Variants in BMPER observed in about 807,000 individuals in gnomAD.
BMPER encodes BMP binding endothelial regulator, also known as BMP-binding endothelial regulator protein.
Under a neutral mutation model 87.3 loss-of-function variants are expected in BMPER, and 45 were observed. That is an observed-to-expected ratio of 0.52 (90% confidence interval 0.41 to 0.66). BMPER has a LOEUF of 0.66. Among genes scored for constraint, BMPER ranks in the 30% least tolerant of loss-of-function variants. The probability of loss-of-function intolerance (pLI) is 0.00; values close to 1 mark genes in which losing one functional copy is unlikely to be tolerated. For missense variants in BMPER, 784 were observed against 867.5 expected (o/e 0.90, Z 1.21); for synonymous variants, 326 against 316.2 (o/e 1.03, Z -0.33).
At chr7:34,001,984 T>C (rs1276599167) in intron 6 of BMPER, among the ~76,000 whole-genome samples, 2 of 151,832 alleles carry the variant, frequency 1.3e-5, no homozygotes, top group East Asian at 1.9e-4. Flanking sequence ...AATTTCCTTC[T>C]TTTATTGACT....
At chr7:34,128,950 A>G (rs987040641) in intron 13 of BMPER, among the ~76,000 whole-genome samples, 1 of 152,188 alleles carries the variant, frequency 6.6e-6, no homozygotes, top group Admixed American at 6.5e-5. Context: ...CTATGATTCT[A>G]TAATTCTCTG....
At chr7:34,143,465 T>C in intron 14 of BMPER, 105 bp downstream of exon 14, 3 of 1,529,824 alleles carry the variant, frequency 2.0e-6, no homozygotes, top group Non-Finnish European at 2.7e-6. Flanking sequence ...CATGCCCCCT[T>C]GCCAGAGGAA....
chr7:34,055,082 A>G, intron 8 of BMPER, 81 bp from the exon 9 acceptor site: 1 of 1,576,530 alleles, frequency 6.3e-7, no homozygotes, highest in South Asian at 1.1e-5. Flanking sequence ...GATAGTTATG[A>G]GTTATGAAAG....
chr7:33,951,562 T>C (rs1459091212), intron 3 of BMPER, among the ~76,000 whole-genome samples: 1 of 152,104 alleles, frequency 6.6e-6, no homozygotes, highest in Admixed American at 6.5e-5. Flanking sequence ...CTAACCTCAA[T>C]TGTGATTCAG....
At chr7:34,059,554 C>T (rs1004906880) in intron 10 of BMPER, among the ~76,000 whole-genome samples, 1 of 123,670 alleles carries the variant, frequency 8.1e-6, no homozygotes, top group African/African-American at 3.1e-5. Context: ...CTTGTTGGTG[C>T]CCCTGCCAAG....
chr7:33,994,991 A>T (rs572627665), intron 6 of BMPER, among the ~76,000 whole-genome samples: 41 of 152,320 alleles, frequency 2.7e-4, no homozygotes, highest in South Asian at 1.9e-3. Flanking sequence ...ATTTTTTCTT[A>T]TAGGTCACTG....
chr7:34,019,065 G>A (rs1337672137), intron 6 of BMPER, among the ~76,000 whole-genome samples: 3 of 151,948 alleles, frequency 2.0e-5, no homozygotes, highest in Non-Finnish European at 4.4e-5. Context: ...TGGATGACTT[G>A]CTTGACAACT....
At chr7:34,120,883 T>A (rs896574260) in intron 13 of BMPER, among the ~76,000 whole-genome samples, 6 of 152,124 alleles carry the variant, frequency 3.9e-5, no homozygotes, top group Non-Finnish European at 7.4e-5. Flanking sequence ...GAGCGATATA[T>A]AGTGTAATAC....
intron 6 of BMPER, among the ~76,000 whole-genome samples, chr7:34,012,912 G>A (rs999602072): frequency 5.9e-5 from 9 of 151,946 alleles, no homozygotes; most frequent in South Asian, 2.1e-4. Context: ...GTTTCTATGC[G>A]ATATTAAAAA....
Position 34,079,019 on chromosome 7 carries a change from CCTT to C in BMPER, c.1244_1246del (p.Phe415del), listed in dbSNP as rs1562729222. 1.2e-6 allele frequency: 2 copies of C among 1,614,228 alleles called. No individual in the cohort carries two copies. The highest frequency in any genetic ancestry group is 3.3e-5 in the Admixed American group (2 of 60,032). ...AAGAACGACGCCCGCCGGACACGCT[CCTT>C]CTCGTGGACCAAGTCGGTGGAGCTG... On this transcript the variant is annotated inframe_deletion, in exon 12 of 15. Coordinates refer to ENST00000649409, the MANE Select transcript of BMPER (RefSeq NM_001365308.1).
chr7:34,007,708 T>C (rs1786771339), intron 6 of BMPER, among the ~76,000 whole-genome samples: 1 of 152,034 alleles, frequency 6.6e-6, no homozygotes, highest in Non-Finnish European at 1.5e-5. Flanking sequence ...GGGTAATTTA[T>C]TTATGCATGT....
rs185093748 is a variant in BMPER, at chr7:34,133,781, G to A, written c.1746-9449G>A. Reference sequence around the variant, plus strand: ...ATTTCAGGACATCTAGTTGGTGTCCGCTGGAGAACTAGTGGTTAGTGGGGA... The same window carrying A: ...ATTTCAGGACATCTAGTTGGTGTCCACTGGAGAACTAGTGGTTAGTGGGGA... On this transcript the variant is annotated intron_variant, in intron 13 of 14. Transcript: ENST00000649409. 3.2e-3 allele frequency among the ~76,000 whole-genome samples: 492 copies of A among 152,216 alleles called. 3 individuals are homozygous for A. Among genetic ancestry groups the A allele is most frequent in the African/African-American group, 0.011 (438 of 41,542 alleles).
chr7:34,052,262 C>T (rs1022149313), intron 8 of BMPER, among the ~76,000 whole-genome samples: 1 of 152,160 alleles, frequency 6.6e-6, no homozygotes, highest in Non-Finnish European at 1.5e-5. Flanking sequence ...ACGGCTGTGC[C>T]CTCTGGCTCT....
chr7:34,102,909 T>TG (rs1320779938), intron 13 of BMPER, among the ~76,000 whole-genome samples: 3 of 152,004 alleles, frequency 2.0e-5, no homozygotes, highest in Non-Finnish European at 2.9e-5. Context: ...CTGTTTCGCA[T>TG]GGTATGGTCA....
At chr7:34,014,787 A>G (rs1371411044) in intron 6 of BMPER, among the ~76,000 whole-genome samples, 1 of 152,004 alleles carries the variant, frequency 6.6e-6, no homozygotes, top group Non-Finnish European at 1.5e-5. Flanking sequence ...TCAGCACAAT[A>G]GAGAGAATAT....
intron 6 of BMPER, among the ~76,000 whole-genome samples, chr7:34,028,184 A>G (rs1243535918): frequency 6.6e-6 from 1 of 152,114 alleles, no homozygotes; most frequent in Non-Finnish European, 1.5e-5. Flanking sequence ...ACATATTGCA[A>G]TAAACTGAAT....
chr7:34,107,764 G>A lies in BMPER; in HGVS notation c.1745+21672G>A, dbSNP rs187611267. Reference sequence around the variant, plus strand: ...GGCTGTGTGACATATGAGGTTTGGTGCTCTATGTATTGGGTTTTTTGGTGT... The same window carrying A: ...GGCTGTGTGACATATGAGGTTTGGTACTCTATGTATTGGGTTTTTTGGTGT... On this transcript the variant is annotated intron_variant, in intron 13 of 14. Coordinates refer to ENST00000649409, the MANE Select transcript of BMPER (RefSeq NM_001365308.1). Among the ~76,000 whole-genome samples, 562 of 152,200 alleles carry A rather than the reference G, an allele frequency of 3.7e-3. 2 individuals carry two copies. Among genetic ancestry groups the A allele is most frequent in the African/African-American group, 0.013 (539 of 41,544 alleles).
chr7:34,014,529 G>T lies in BMPER; in HGVS notation c.577-31777G>T, dbSNP rs185780131. Among the ~76,000 whole-genome samples, 7 of 152,030 alleles carry T rather than the reference G, an allele frequency of 4.6e-5. No homozygotes were observed. In the East Asian group the frequency reaches 1.2e-3, roughly 25 times the overall value. Reference sequence around the variant, plus strand: ...TGATAGATTCCAGCCTATCAAAGCAGCCCATTCATCCCTGTAGGTCTGTTG... The same window carrying T: ...TGATAGATTCCAGCCTATCAAAGCATCCCATTCATCCCTGTAGGTCTGTTG... On this transcript the variant is annotated intron_variant, in intron 6 of 14. Transcript: ENST00000649409.
chr7:34,124,196 T>TGATGAAC (rs1790337192), intron 13 of BMPER, among the ~76,000 whole-genome samples: 1 of 152,204 alleles, frequency 6.6e-6, no homozygotes, highest in Non-Finnish European at 1.5e-5. Flanking sequence ...GCTCTCCTCT[T>TGATGAAC]TTAGGTACAT....
Sources: allele counts gnomAD v4.1 joint callset (sites outside exome capture counted in the v4.1 genomes callset), GRCh38; gene constraint gnomAD v4.1.1; transcripts MANE v1.5; gene names NCBI Gene and HGNC (gene_info 2026-07-23, HGNC 2026-07-21).